The following PCDH7 variants were observed in gnomAD, a reference collection of about 807,000 sequenced individuals.
PCDH7 encodes the protein protocadherin-7.
PCDH7 carries 17 observed loss-of-function variants against 58.9 expected under a neutral mutation model. The observed-to-expected ratio is 0.29, with a 90% CI of 0.20 to 0.43. The LOEUF is 0.43. PCDH7 is among the 20% of genes least tolerant of loss of function. PCDH7 has a pLI of 1.00. For synonymous variants in PCDH7, 664 were observed against 616.4 expected (o/e 1.08, Z -1.14); for missense variants, 1,274 against 1,441.0 (o/e 0.88, Z 1.88).
chr4:31,056,131 G>A (rs1411938557), intron 3 of PCDH7, among the ~76,000 whole-genome samples: 1 of 152,052 alleles, frequency 6.6e-6, no homozygotes, highest in East Asian at 1.9e-4. Flanking sequence ...TACTTCGGGA[G>A]TCTGAGGCAG....
At chr4:31,144,015 T>C (rs1720515897), downstream of PCDH7, 1 of 152,210 alleles carries the variant, frequency 6.6e-6, no homozygotes, top group African/African-American at 2.4e-5. Context: ...GAAAGATGCA[T>C]TGGCATATAG....
At position 30,755,947 on chromosome 4, in the gene PCDH7, C is replaced by T. The variant is rs151206029; in HGVS notation, c.70+31351C>T. ...TACAAAAATTAGCTGGGTGTGGTGG[C>T]GTGCACCTGTAGTCCCATCTACTCA... On this transcript the variant is annotated intron_variant, in intron 1 of 3. Coordinates refer to the PCDH7 transcript ENST00000509759. Among the ~76,000 whole-genome samples, 711 of 152,056 alleles carry T rather than the reference C, an allele frequency of 4.7e-3. 8 individuals carry two copies. The highest frequency in any genetic ancestry group is 0.016 in the African/African-American group (644 of 41,476).
intron 1 of PCDH7, among the ~76,000 whole-genome samples, chr4:30,847,261 A>C (rs1732098968): frequency 6.6e-6 from 1 of 152,190 alleles, no homozygotes; most frequent in Non-Finnish European, 1.5e-5. Context: ...AGACAGATGC[A>C]GATTTACACC....
rs150113787 is a variant in PCDH7 at position 31,079,929 on chromosome 4, G to A, written c.*8-62544G>A. Among the ~76,000 whole-genome samples the A allele has an allele frequency of 3.9e-5, 6 of 152,110 alleles. No individual in the cohort carries two copies. In the East Asian group the frequency reaches 1.2e-3, roughly 29 times the overall value. On this transcript the variant is annotated intron_variant, in intron 3 of 3. Transcript: ENST00000509759. ...ATAAAAAAGGAACACAAAATGATGA[G>A]GGAAAGAATATAATACAAATAAAAT... is the stretch of plus-strand genomic sequence containing the variant.
intron 1 of PCDH7, among the ~76,000 whole-genome samples, chr4:30,779,573 C>A (rs1428776961): frequency 1.3e-5 from 2 of 152,062 alleles, no homozygotes; most frequent in Admixed American, 1.3e-4. Context: ...TATTATCAAC[C>A]AAAGGGATCA....
intron 2 of PCDH7, among the ~76,000 whole-genome samples, chr4:30,930,406 G>A (rs1744423888): frequency 6.6e-6 from 1 of 152,182 alleles, no homozygotes; most frequent in Non-Finnish European, 1.5e-5. Context: ...AAAAATGCAA[G>A]TGATATTTAA....
chr4:30,964,282 C>G (rs952318673), intron 3 of PCDH7, among the ~76,000 whole-genome samples: 10 of 150,332 alleles, frequency 6.7e-5, no homozygotes, highest in Non-Finnish European at 1.3e-4. Flanking sequence ...GGCTCTGTCT[C>G]CCAGGCTGGA....
At chr4:30,930,269 C>T (rs1237533652) in intron 2 of PCDH7, among the ~76,000 whole-genome samples, 1 of 152,048 alleles carries the variant, frequency 6.6e-6, no homozygotes, top group African/African-American at 2.4e-5. Context: ...TGGGAGATAC[C>T]AAAGATACCT....
intron 3 of PCDH7, among the ~76,000 whole-genome samples, chr4:31,030,089 C>T (rs1163508357): frequency 1.3e-5 from 2 of 151,770 alleles, no homozygotes; most frequent in Admixed American, 6.6e-5. Context: ...GTACTTCTAA[C>T]TATGACTGAC....
chr4:31,057,783 A>G (rs552992503), intron 3 of PCDH7, among the ~76,000 whole-genome samples: 3 of 152,136 alleles, frequency 2.0e-5, no homozygotes, highest in African/African-American at 7.2e-5. Flanking sequence ...AGGCTTACTT[A>G]GCACCTACTA....
chr4:30,894,613 A>G (rs1182160974), intron 1 of PCDH7, among the ~76,000 whole-genome samples: 2 of 144,958 alleles, frequency 1.4e-5, no homozygotes, highest in Non-Finnish European at 1.5e-5. Flanking sequence ...ATATATATAT[A>G]TATGTTTTGA....
In PCDH7 at chr4:30,723,734, G is replaced by A; in HGVS notation, c.2312G>A (p.Ser771Asn). 1 of 1,614,184 alleles carries A rather than the reference G, an allele frequency of 6.2e-7. No individual in the cohort carries two copies. The change falls in exon 1 of 2, where the codon AGT becomes AAT. Residue 771 changes from serine to asparagine, a missense_variant. Ser to Asn is a conservative substitution (Grantham distance 46). This residue lies in a region of PCDH7 where 731 missense variants were observed against 881.9 expected (regional missense o/e 0.83). Coordinates refer to ENST00000361762, the Ensembl canonical transcript of PCDH7. The surrounding 1 kb of genome is among the most constrained non-coding windows in gnomAD (Gnocchi z 4.6). ...GTAGCTACAGTGTTGGCAACAGACA[G>A]TGATGATGGCATCAATGCAGACCTG... is the stretch of plus-strand genomic sequence containing the variant.
At chr4:30,888,730 G>A (rs1473876978) in intron 1 of PCDH7, among the ~76,000 whole-genome samples, 2 of 152,118 alleles carry the variant, frequency 1.3e-5, no homozygotes, top group South Asian at 2.1e-4. Context: ...CGGTAACTGG[G>A]AAGAGAAGAA....
chr4:30,876,522 A>G (rs1736308608), intron 1 of PCDH7, among the ~76,000 whole-genome samples: 1 of 152,052 alleles, frequency 6.6e-6, no homozygotes, highest in African/African-American at 2.4e-5. Flanking sequence ...ATTTGGAAGG[A>G]TACTTTGTTA....
chr4:30,916,458 A>T (rs185166852), intron 1 of PCDH7, among the ~76,000 whole-genome samples: 136 of 152,220 alleles, frequency 8.9e-4, no homozygotes, highest in African/African-American at 3.2e-3. Flanking sequence ...TTTCTTTAAG[A>T]TCTCTGTCTT....
intron 1 of PCDH7, among the ~76,000 whole-genome samples, chr4:30,919,802 T>C (rs1742944026): frequency 6.6e-6 from 1 of 152,168 alleles, no homozygotes; most frequent in Non-Finnish European, 1.5e-5. Context: ...TCACTGACCT[T>C]GTTTTTTTAG....
chr4:30,991,958 C>T (rs1300005706), intron 3 of PCDH7, among the ~76,000 whole-genome samples: 1 of 152,094 alleles, frequency 6.6e-6, no homozygotes, highest in Non-Finnish European at 1.5e-5. Flanking sequence ...GCACTTAAAA[C>T]TTATTCTGTG....
At chr4:31,134,462 A>C (rs1719356172) in intron 3 of PCDH7, among the ~76,000 whole-genome samples, 1 of 152,174 alleles carries the variant, frequency 6.6e-6, no homozygotes, top group South Asian at 2.1e-4. Context: ...CCATCTCAAA[A>C]AACAAAAAAC....
At chr4:30,771,628 A>G (rs1212925814) in intron 1 of PCDH7, among the ~76,000 whole-genome samples, 1 of 152,226 alleles carries the variant, frequency 6.6e-6, no homozygotes, top group African/African-American at 2.4e-5. Context: ...TTTTGCAAGA[A>G]GACTCTCAGA....
Sources: allele counts gnomAD v4.1 joint callset (sites outside exome capture counted in the v4.1 genomes callset), GRCh38; gene constraint gnomAD v4.1.1; regional missense constraint gnomAD v4.1.1; non-coding constraint Gnocchi (gnomAD v3.1); transcripts MANE v1.5; gene names NCBI Gene and HGNC (gene_info 2026-07-23, HGNC 2026-07-21).